Variants in WDR37 observed in about 807,000 individuals in gnomAD.
WDR37 encodes WD repeat-containing protein 37.
In WDR37, 19 loss-of-function variants were observed where a neutral mutation model predicts 62.9. The ratio of observed to expected loss-of-function variants is 0.30; its 90% CI spans 0.21 to 0.44. The LOEUF (loss-of-function observed/expected upper bound fraction) is 0.44, where lower values mean the gene tolerates loss of function less well. Ranked by LOEUF, WDR37 falls within the 20% of genes least tolerant of loss-of-function variation. The pLI, the probability that WDR37 is intolerant of heterozygous loss-of-function variation, is 1.00. For missense variants in WDR37, 474 were observed against 657.6 expected (o/e 0.72, Z 3.05); for synonymous variants, 250 against 260.9 (o/e 0.96, Z 0.40).
chr10:1,126,286 G>C (rs372155782), intron 13 of WDR37, among the ~76,000 whole-genome samples: 1 of 151,708 alleles, frequency 6.6e-6, no homozygotes, highest in South Asian at 2.1e-4. Context: ...GGCGTCTGTA[G>C]TCCCAGCTAC....
At chr10:1,090,807 C>A (rs1442584368) in intron 7 of WDR37, among the ~76,000 whole-genome samples, 2 of 152,192 alleles carry the variant, frequency 1.3e-5, no homozygotes, top group African/African-American at 2.4e-5. Flanking sequence ...GCCTTTGACA[C>A]TGGATGAAGG....
chr10:1,059,122 T>TC (rs1253318387), intron 1 of WDR37, among the ~76,000 whole-genome samples: 1 of 152,190 alleles, frequency 6.6e-6, no homozygotes, highest in Non-Finnish European at 1.5e-5. Flanking sequence ...ATGCCTGTAA[T>TC]CCCAGCACTT....
intron 11 of WDR37, among the ~76,000 whole-genome samples, chr10:1,120,851 GTC>G (rs1348475907): frequency 1.3e-5 from 2 of 152,226 alleles, no homozygotes; most frequent in African/African-American, 2.4e-5. Context: ...GCGGTTCTGT[GTC>G]TCTGTGTGAC....
chr10:1,102,471 C>T (rs971895324), intron 9 of WDR37, among the ~76,000 whole-genome samples: 2 of 152,122 alleles, frequency 1.3e-5, no homozygotes, highest in Admixed American at 6.5e-5. Flanking sequence ...GTACAGGAAG[C>T]GTGGCACCAG....
At chr10:1,083,254 A>G (rs1834087981) in intron 5 of WDR37, among the ~76,000 whole-genome samples, 1 of 152,250 alleles carries the variant, frequency 6.6e-6, no homozygotes, top group South Asian at 2.1e-4. Flanking sequence ...TTGAGGTTGA[A>G]CAAGTGCTTT....
In WDR37 at chr10:1,105,029, C is replaced by T; in HGVS notation, c.962-97C>T. ...TTCCATTAGGTCAGGTTCACAGTCT[C>T]AGAGAGACGGCTTCTTGGGTTCTTG... On this transcript the variant is annotated intron_variant, in intron 10 of 13. Transcript: ENST00000263150. The surrounding 1 kb of genome is among the most constrained non-coding windows in gnomAD (Gnocchi z 5.3). The T allele has an allele frequency of 6.7e-7, 1 of 1,481,568 alleles. No individual in the cohort carries two copies. Among genetic ancestry groups the T allele is most frequent in the South Asian group, 1.3e-5 (1 of 76,784 alleles). The allele number at this position is 1,481,568 out of a possible 1,614,324, so 91.8% of individuals were successfully genotyped here. A position where few individuals can be genotyped will look rare whatever the true frequency, so the allele number is the denominator to read the frequency against.
At chr10:1,125,701 G>A (rs1167576821) in intron 13 of WDR37, among the ~76,000 whole-genome samples, 2 of 152,212 alleles carry the variant, frequency 1.3e-5, no homozygotes, top group African/African-American at 4.8e-5. Context: ...ATTGTGGCCA[G>A]GCAGAAGCTG....
chr10:1,069,146 G>C (rs1276436896), intron 1 of WDR37, among the ~76,000 whole-genome samples: 1 of 151,940 alleles, frequency 6.6e-6, no homozygotes, highest in African/African-American at 2.4e-5. Context: ...AACTTCCTGA[G>C]TATACTGAGA....
intron 11 of WDR37, among the ~76,000 whole-genome samples, chr10:1,106,138 C>T (rs770814930): frequency 1.8e-4 from 28 of 152,180 alleles, no homozygotes; most frequent in Non-Finnish European, 4.0e-4. Flanking sequence ...CTCCTTCCCC[C>T]AGTCTGGCCC....
At chr10:1,069,383 A>ATTTTTTTT (rs1564496918) in intron 1 of WDR37, among the ~76,000 whole-genome samples, 1 of 27,746 alleles carries the variant, frequency 3.6e-5, no homozygotes, top group Admixed American at 3.5e-4. Flanking sequence ...ATATATATAT[A>ATTTTTTTT]TATATATTTT....
At chr10:1,069,383 A>ATTTTTTTTTTTTTTTTT (rs1564496918) in intron 1 of WDR37, among the ~76,000 whole-genome samples, 1 of 27,748 alleles carries the variant, frequency 3.6e-5, no homozygotes, top group Non-Finnish European at 7.1e-5. Flanking sequence ...ATATATATAT[A>ATTTTTTTTTTTTTTTTT]TATATATTTT....
Position 1,124,243 on chromosome 10 carries a change from G to A in WDR37, c.1129G>A (p.Val377Met), listed in dbSNP as rs1209125878. ...CACTGTGACTTCTGCCGTGTTCACC[G>A]TGGGAGACAACGTGGTTTCAGGCAG... ...TDTVTSAVFT[V>M]GDNVVSGSDD... The change falls in exon 12 of 14, where the codon GTG (valine) becomes ATG (methionine). Residue 377 changes from valine to methionine, a missense_variant. Val to Met is a conservative substitution (Grantham distance 21). Transcript: ENST00000263150. 1.4e-5 allele frequency: 23 copies of A among 1,614,072 alleles called. No individual in the cohort carries two copies. Among genetic ancestry groups the A allele is most frequent in the South Asian group, 4.4e-5 (4 of 91,080 alleles).
chr10:1,112,634 AACTGCT>A lies in WDR37; in HGVS notation c.1103+7371_1103+7376del, dbSNP rs1261626387. Among the ~76,000 whole-genome samples, 11 of 152,358 alleles carry A rather than the reference AACTGCT, an allele frequency of 7.2e-5. No individual in the cohort carries two copies. In the South Asian group the frequency reaches 1.4e-3, roughly 20 times the overall value. On this transcript the variant is annotated intron_variant, in intron 11 of 13. Transcript: ENST00000263150. Reference sequence around the variant, plus strand: ...AGGAAAAGTTCTGGAAGGAAAGTAAAACTGCTACTCCAGTGAACACACGAATGATAA... The same window carrying A: ...AGGAAAAGTTCTGGAAGGAAAGTAAAACTCCAGTGAACACACGAATGATAA...
intron 13 of WDR37, among the ~76,000 whole-genome samples, chr10:1,128,648 A>G (rs1371913251): frequency 6.6e-6 from 1 of 152,208 alleles, no homozygotes; most frequent in Non-Finnish European, 1.5e-5. Flanking sequence ...AAAATTTCAC[A>G]TTGATCATTT....
intron 6 of WDR37, among the ~76,000 whole-genome samples, chr10:1,085,759 A>AAG (rs1834180244): frequency 6.6e-6 from 1 of 152,192 alleles, no homozygotes; most frequent in South Asian, 2.1e-4. Flanking sequence ...AAAGAATAAA[A>AAG]AGGTCCTTTC....
chr10:1,095,895 A>T (rs1311966730), intron 8 of WDR37, among the ~76,000 whole-genome samples: 1 of 152,138 alleles, frequency 6.6e-6, no homozygotes, highest in African/African-American at 2.4e-5. Context: ...CTATTTGTAC[A>T]TTTTCTCTGA....
chr10:1,129,380 C>T lies in WDR37; in HGVS notation c.*36C>T. The T allele has an allele frequency of 6.2e-7, 1 of 1,613,002 alleles. No homozygotes were observed. Among genetic ancestry groups the T allele is most frequent in the Non-Finnish European group, 8.5e-7 (1 of 1,179,212 alleles). ...AGCCCTTAGTTTCACTGTTTGCCAG[C>T]ACAGACCTTTGATGGGTGCAGGCTT... On this transcript the variant is annotated 3_prime_UTR_variant, in exon 14 of 14. Coordinates refer to ENST00000263150, the MANE Select transcript of WDR37 (RefSeq NM_014023.4).
In WDR37 at chr10:1,129,647, G is replaced by C. The variant is rs774986510; in HGVS notation, c.*303G>C. 21 of 261,676 alleles carry C rather than the reference G, an allele frequency of 8.0e-5. No homozygotes were observed. Among genetic ancestry groups the C allele is most frequent in the Non-Finnish European group, 1.4e-4 (19 of 135,178 alleles). 16.2% of individuals were successfully genotyped at this position (261,676 alleles called of 1,614,324 possible). A position where few individuals can be genotyped will look rare whatever the true frequency, so the allele number is the denominator to read the frequency against. The stretch of plus-strand genomic sequence containing the variant: ...TTGACATTGGACAGGTGAACAGTAG[G>C]GCATTACATTTGTGTGAATTAAATG... On this transcript the variant is annotated 3_prime_UTR_variant, in exon 14 of 14. Coordinates refer to ENST00000263150, the MANE Select transcript of WDR37 (RefSeq NM_014023.4).
intron 6 of WDR37, 67 bp downstream of exon 6, chr10:1,084,605 A>G (rs1453703907): frequency 6.3e-7 from 1 of 1,578,868 alleles, no homozygotes; most frequent in Non-Finnish European, 8.6e-7. Context: ...AGTGATGGAC[A>G]TTCACTTTTC....
Sources: gnomAD v4.1 joint callset for allele counts (sites outside exome capture counted in the v4.1 genomes callset) on GRCh38, gnomAD v4.1.1 for gene constraint, Gnocchi (gnomAD v3.1) non-coding constraint, MANE v1.5 for transcripts, NCBI Gene and HGNC (gene_info 2026-07-23, HGNC 2026-07-21) for gene names.